Variants in SPATA13 observed in about 807,000 individuals in gnomAD.
SPATA13 encodes the protein spermatogenesis-associated protein 13.
SPATA13 carries 50 observed loss-of-function variants against 104.0 expected under a neutral mutation model. That is an observed-to-expected ratio of 0.48 (90% CI 0.38 to 0.61). The LOEUF is 0.61. Ranked by LOEUF, SPATA13 falls within the 20% of genes least tolerant of loss-of-function variation. The pLI is 0.00. For missense variants in SPATA13, 1,524 were observed against 1,690.6 expected, an observed-to-expected ratio of 0.90 and a Z score of 1.73; for synonymous variants, 606 against 667.5, an observed-to-expected ratio of 0.91 and a Z score of 1.42.
At chr13:24,053,148 A>C (rs1878421518) in intron 3 of SPATA13, among the ~76,000 whole-genome samples, 1 of 152,234 alleles carries the variant, frequency 6.6e-6, no homozygotes, top group Admixed American at 6.5e-5. Flanking sequence ...GATATAAAGC[A>C]TCAAGTATCT....
chr13:24,100,450 C>T (rs1880223243), intron 3 of SPATA13, among the ~76,000 whole-genome samples: 1 of 152,202 alleles, frequency 6.6e-6, no homozygotes, highest in African/African-American at 2.4e-5. Flanking sequence ...CCCTCTCTCC[C>T]TGTCTCTCAC....
At chr13:24,218,029 G>T (rs1226014038) in intron 1 of SPATA13, among the ~76,000 whole-genome samples, 2 of 152,244 alleles carry the variant, frequency 1.3e-5, no homozygotes, top group African/African-American at 4.8e-5. Flanking sequence ...AAGGCATGGT[G>T]GTGTGAGGAT....
chr13:24,052,803 C>T (rs1158134022), intron 3 of SPATA13, among the ~76,000 whole-genome samples: 2 of 149,874 alleles, frequency 1.3e-5, no homozygotes, highest in African/African-American at 2.4e-5. Flanking sequence ...CTCAGGGGCC[C>T]GTGCAGCACT....
At chr13:23,994,618 T>C (rs1234194370) in intron 2 of SPATA13, among the ~76,000 whole-genome samples, 4 of 152,188 alleles carry the variant, frequency 2.6e-5, no homozygotes, top group Non-Finnish European at 4.4e-5. Flanking sequence ...TGACCACACG[T>C]GGGACATGTT....
intron 3 of SPATA13, among the ~76,000 whole-genome samples, chr13:24,101,016 C>G (rs1880239785): frequency 1.3e-5 from 2 of 152,136 alleles, no homozygotes; most frequent in African/African-American, 4.8e-5. Context: ...GGAATTATGA[C>G]CATCCTGAGA....
At chr13:24,163,933 T>C (rs1344593543) in intron 1 of SPATA13, among the ~76,000 whole-genome samples, 1 of 152,232 alleles carries the variant, frequency 6.6e-6, no homozygotes, top group African/African-American at 2.4e-5. Flanking sequence ...CTTTCTTTTT[T>C]GTCTGAAAAC....
At chr13:24,172,983 C>T (rs1161760409) in intron 1 of SPATA13, among the ~76,000 whole-genome samples, 1 of 152,186 alleles carries the variant, frequency 6.6e-6, no homozygotes, top group Non-Finnish European at 1.5e-5. Flanking sequence ...GTTTCATCAG[C>T]ATTGTACGGC....
chr13:24,098,237 CAG>C (rs779076708), intron 3 of SPATA13, among the ~76,000 whole-genome samples: 33 of 151,936 alleles, frequency 2.2e-4, no homozygotes, highest in Non-Finnish European at 4.6e-4. Flanking sequence ...AGAAAATAAA[CAG>C]AAATAAAATA....
chr13:24,029,513 G>A (rs12428492), intron 3 of SPATA13, among the ~76,000 whole-genome samples: 35,774 of 151,940 alleles, frequency 0.24, 4,442 homozygotes, highest in Admixed American at 0.28. Flanking sequence ...AATTTTGTAT[G>A]TTATTTACAT....
At chr13:24,005,229 T>A (rs147418688) in intron 2 of SPATA13, among the ~76,000 whole-genome samples, 1 of 152,340 alleles carries the variant, frequency 6.6e-6, no homozygotes, top group African/African-American at 2.4e-5. Context: ...CTGGCTATTG[T>A]GCTCACATTT....
In SPATA13 at chr13:24,006,829, T is replaced by C. The variant is rs1467825761; in HGVS notation, c.-146-10838T>C. Reference sequence around the variant, plus strand: ...GGGCTGCTGTTCTGGGATTTTACTCTAAGAGCGCAGGGAAGCCACGTCGAT... The same window carrying C: ...GGGCTGCTGTTCTGGGATTTTACTCCAAGAGCGCAGGGAAGCCACGTCGAT... On this transcript the variant is annotated intron_variant, in intron 2 of 14. Transcript: ENST00000424834. Among the ~76,000 whole-genome samples, 3 of 152,160 alleles carry C rather than the reference T, an allele frequency of 2.0e-5. 1 individual carries two copies. In the South Asian group the frequency reaches 6.2e-4, roughly 32 times the overall value.
At chr13:24,184,160 G>C (rs1331830384) in intron 1 of SPATA13, among the ~76,000 whole-genome samples, 6 of 152,190 alleles carry the variant, frequency 3.9e-5, no homozygotes, top group Non-Finnish European at 7.3e-5. Context: ...TAAGTTTTGA[G>C]TGAATGGGTA....
In SPATA13 at chr13:24,045,865, G is replaced by A. The variant is rs78597895; in HGVS notation, c.-112+28164G>A. On this transcript the variant is annotated intron_variant, in intron 3 of 14. Transcript: ENST00000424834. ...AGGTAGCAGGTGTGTGGTCTCAGAT[G>A]AACTGATTCCATTCTGAGCCTCATT... Among the ~76,000 whole-genome samples, 948 of 152,282 alleles carry A rather than the reference G, an allele frequency of 6.2e-3. 33 individuals carry two copies. The East Asian group carries it at 0.11, about 18-fold the overall frequency.
At chr13:24,273,762 A>G (rs1338826256) in intron 4 of SPATA13, among the ~76,000 whole-genome samples, 4 of 152,264 alleles carry the variant, frequency 2.6e-5, no homozygotes, top group Non-Finnish European at 5.9e-5. Context: ...TTGTTATGGC[A>G]GAGGATCAGG....
chr13:24,046,109 G>A (rs1191311931), intron 3 of SPATA13, among the ~76,000 whole-genome samples: 1 of 152,102 alleles, frequency 6.6e-6, no homozygotes, highest in Non-Finnish European at 1.5e-5. Context: ...TTGCTGGAGT[G>A]TATCACATAT....
intron 1 of SPATA13, among the ~76,000 whole-genome samples, chr13:24,198,869 G>C (rs1405156577): frequency 2.6e-5 from 4 of 152,038 alleles, no homozygotes; most frequent in African/African-American, 9.7e-5. Context: ...TCTTCCTCAG[G>C]GGTGATGCAG....
intron 1 of SPATA13, among the ~76,000 whole-genome samples, chr13:24,192,228 C>T (rs186868939): frequency 6.6e-6 from 1 of 152,112 alleles, no homozygotes; most frequent in African/African-American, 2.4e-5. Context: ...TCACCAGGGA[C>T]CCCCCTCCCC....
chr13:24,079,288 G>A (rs993142737), intron 3 of SPATA13, among the ~76,000 whole-genome samples: 1 of 152,198 alleles, frequency 6.6e-6, no homozygotes, highest in Non-Finnish European at 1.5e-5. Context: ...CCGCTACGGT[G>A]CAGTTTTATT....
At chr13:24,016,300 C>A (rs1040997842) in intron 2 of SPATA13, among the ~76,000 whole-genome samples, 1 of 152,204 alleles carries the variant, frequency 6.6e-6, no homozygotes, top group South Asian at 2.1e-4. Context: ...GAAGCAGCTG[C>A]GGCTCTTCCT....
Sources: gnomAD v4.1 joint callset for allele counts (sites outside exome capture counted in the v4.1 genomes callset) on GRCh38, gnomAD v4.1.1 for gene constraint, MANE v1.5 for transcripts, NCBI Gene and HGNC (gene_info 2026-07-23, HGNC 2026-07-21) for gene names.